RXRG: variants seen among roughly 807,000 people sequenced by gnomAD.
RXRG encodes retinoid X receptor gamma.
Under a neutral mutation model 49.2 loss-of-function variants are expected in RXRG, and 19 were observed. That is an observed-to-expected ratio of 0.39 (90% CI 0.27 to 0.57). RXRG has a LOEUF of 0.57. RXRG is among the 20% of genes least tolerant of loss of function. The pLI is 0.64. For missense variants in RXRG, 452 were observed against 592.5 expected (o/e 0.76, Z 2.46); for synonymous variants, 224 against 216.6 (o/e 1.03, Z -0.30).
intron 2 of RXRG, among the ~76,000 whole-genome samples, chr1:165,422,114 C>T (rs1658339749): frequency 6.6e-6 from 1 of 152,182 alleles, no homozygotes; most frequent in Admixed American, 6.5e-5. Context: ...AAGGGGTCCT[C>T]ACCCTTCCTT....
rs947381265 is a variant in RXRG, at chr1:165,413,793, C to A, written c.623-2684G>T. On this transcript the variant is annotated intron_variant, in intron 4 of 9. Transcript: ENST00000359842. ...GCTGTGTGGGCTTGTGTGGGCTAGGCTCTCCAAACCTCTAATTTGTCTTTC... is the reference window on the plus strand; with the variant it reads ...GCTGTGTGGGCTTGTGTGGGCTAGGATCTCCAAACCTCTAATTTGTCTTTC... 8.8e-5 allele frequency among the ~76,000 whole-genome samples: 13 copies of A among 148,012 alleles called. No homozygotes were observed. The East Asian group carries it at 2.0e-3, about 23-fold the overall frequency.
At chr1:165,438,090 G>A (rs1658868711) in intron 1 of RXRG, among the ~76,000 whole-genome samples, 1 of 152,182 alleles carries the variant, frequency 6.6e-6, no homozygotes, top group Non-Finnish European at 1.5e-5. Context: ...AAGTTTGAAT[G>A]AAATAGACGG....
chr1:165,432,829 A>G (rs1658711120), intron 1 of RXRG, among the ~76,000 whole-genome samples: 1 of 152,232 alleles, frequency 6.6e-6, no homozygotes, highest in African/African-American at 2.4e-5. Flanking sequence ...TCTAGCCCTC[A>G]GCCTAGGATA....
At chr1:165,428,510 G>A (rs963943505) in intron 2 of RXRG, among the ~76,000 whole-genome samples, 1 of 152,188 alleles carries the variant, frequency 6.6e-6, no homozygotes, top group South Asian at 2.1e-4. Flanking sequence ...ACAGTCTCCT[G>A]GACCATGAGG....
intron 9 of RXRG, among the ~76,000 whole-genome samples, chr1:165,404,542 T>G (rs145242650): frequency 2.3e-3 from 354 of 152,364 alleles, no homozygotes; most frequent in African/African-American, 8.1e-3. Context: ...AATGATAATT[T>G]GTAGTTGTCA....
chr1:165,445,107 C>T lies in RXRG; in HGVS notation c.-214G>A, dbSNP rs1169628009. 3.5e-6 allele frequency: 2 copies of T among 573,024 alleles called. No individual in the cohort carries two copies. The highest frequency in any genetic ancestry group is 2.8e-5 in the East Asian group (1 of 35,624). The allele number at this position is 573,024 out of a possible 1,614,324, so 35.5% of individuals were successfully genotyped here. Reference sequence around the variant, plus strand: ...AGTCCACATAGTGCGTTTGAGACGGCTGTGGCGGCAGCAGCTGGTGCCTGT... The same window carrying T: ...AGTCCACATAGTGCGTTTGAGACGGTTGTGGCGGCAGCAGCTGGTGCCTGT... On this transcript the variant is annotated 5_prime_UTR_variant, in exon 1 of 10. Transcript: ENST00000359842.
At position 165,428,758 on chromosome 1, in the gene RXRG, C is replaced by G. The variant is rs150448748; in HGVS notation, c.258G>C (p.Ala86=). The change falls in exon 2 of 10, where the codon GCG becomes GCC. Residue 86 remains alanine (A), a synonymous_variant. Transcript: ENST00000359842. ...GGGCAACCAAGTTGATTCCTGGAGG[C>G]GCTGCAAGTGCTCCTGAGGGTGGGC... The part of the protein sequence containing the change: ...AMGPPSGALA[A]PPGINLVAPP... 6.2e-7 allele frequency: 1 copy of G among 1,605,404 alleles called. No homozygotes were observed. Among genetic ancestry groups the G allele is most frequent in the Non-Finnish European group, 8.5e-7 (1 of 1,173,276 alleles).
At chr1:165,427,603 G>A (rs988735807) in intron 2 of RXRG, among the ~76,000 whole-genome samples, 49 of 151,954 alleles carry the variant, frequency 3.2e-4, no homozygotes, top group East Asian at 9.7e-4. Flanking sequence ...CCACCACACC[G>A]GGCTAATTTT....
In RXRG at chr1:165,420,023, G is replaced by T. The variant is rs114691519; in HGVS notation, c.298-9C>A. 1.3e-3 allele frequency: 2,023 copies of T among 1,583,886 alleles called. 22 individuals carry two copies. The African/African-American group carries it at 0.025, about 19-fold the overall frequency. On this transcript the variant is annotated splice_polypyrimidine_tract_variant and intron_variant, in intron 2 of 9. Coordinates refer to ENST00000359842, the MANE Select transcript of RXRG (RefSeq NM_006917.5). ...CTGTTGACCACATTTAGCTGCAAGA[G>T]AAAAAAATACTGTAAAGCACAGAGC...
intron 2 of RXRG, among the ~76,000 whole-genome samples, chr1:165,422,677 A>G (rs1278430021): frequency 2.0e-5 from 3 of 152,222 alleles, no homozygotes; most frequent in Admixed American, 1.3e-4. Flanking sequence ...TGCTAGGAGA[A>G]TTGATTTAGT....
At chr1:165,422,615 G>A (rs1286461684) in intron 2 of RXRG, among the ~76,000 whole-genome samples, 1 of 152,202 alleles carries the variant, frequency 6.6e-6, no homozygotes, top group Non-Finnish European at 1.5e-5. Context: ...TGGATGGATG[G>A]GAGATAATGC....
At chr1:165,435,818 A>C (rs574619370) in intron 1 of RXRG, among the ~76,000 whole-genome samples, 4 of 152,174 alleles carry the variant, frequency 2.6e-5, no homozygotes, top group Non-Finnish European at 5.9e-5. Context: ...TGCATTCTGG[A>C]GTAGAGGTTG....
chr1:165,404,202 CT>C (rs1417473289), intron 9 of RXRG, among the ~76,000 whole-genome samples: 1 of 152,212 alleles, frequency 6.6e-6, no homozygotes, highest in Non-Finnish European at 1.5e-5. Context: ...AGTGACACCC[CT>C]GATGTACCTA....
intron 9 of RXRG, among the ~76,000 whole-genome samples, chr1:165,404,861 C>T (rs1264331191): frequency 3.9e-5 from 6 of 152,084 alleles, no homozygotes; most frequent in Non-Finnish European, 5.9e-5. Context: ...CCGGTTCAAG[C>T]GATTCTCCTA....
rs994584671 is a variant in RXRG, at chr1:165,410,886, CT to C, written c.784-56del. The C allele has an allele frequency of 1.6e-4, 257 of 1,613,446 alleles. 2 individuals are homozygous for C. In the Admixed American group the frequency reaches 4.3e-3, roughly 27 times the overall value. On this transcript the variant is annotated intron_variant, in intron 5 of 9. Coordinates refer to ENST00000359842, the MANE Select transcript of RXRG (RefSeq NM_006917.5). ...CAGGTCCCAGGACTCAAATACACCC[CT>C]TTCTCCCATTTCCAGCCCTACCCAA...
At chr1:165,417,712 G>C (rs182666910) in intron 3 of RXRG, among the ~76,000 whole-genome samples, 1 of 152,142 alleles carries the variant, frequency 6.6e-6, no homozygotes, top group African/African-American at 2.4e-5. Context: ...TCTGAGTTAT[G>C]AATTGTTAAG....
chr1:165,444,205 A>T (rs1310880582), intron 1 of RXRG, among the ~76,000 whole-genome samples: 1 of 152,148 alleles, frequency 6.6e-6, no homozygotes, highest in Non-Finnish European at 1.5e-5. Flanking sequence ...CCCAGAGTGG[A>T]AGTGATTGCA....
chr1:165,415,305 C>T (rs1336393642), intron 4 of RXRG, among the ~76,000 whole-genome samples: 1 of 152,210 alleles, frequency 6.6e-6, no homozygotes, highest in East Asian at 1.9e-4. Flanking sequence ...AAGGCTGAGG[C>T]TGAGAGACAA....
chr1:165,442,336 C>T (rs1358247966), intron 1 of RXRG, among the ~76,000 whole-genome samples: 1 of 152,204 alleles, frequency 6.6e-6, no homozygotes, highest in Non-Finnish European at 1.5e-5. Context: ...CTGGCACATG[C>T]CAACAAAATG....
Sources: allele counts gnomAD v4.1 joint callset (sites outside exome capture counted in the v4.1 genomes callset), GRCh38; gene constraint gnomAD v4.1.1; transcripts MANE v1.5; gene names NCBI Gene and HGNC (gene_info 2026-07-23, HGNC 2026-07-21).